Variants in ARHGAP15 observed in about 807,000 individuals in gnomAD.
The protein encoded by ARHGAP15 is rho GTPase-activating protein 15.
ARHGAP15 carries 51 observed loss-of-function variants against 63.7 expected under a neutral mutation model. The observed-to-expected ratio is 0.80, with a 90% confidence interval of 0.64 to 1.01. The LOEUF is 1.01. Among genes scored for constraint, ARHGAP15 ranks in the 50% least tolerant of loss-of-function variants. ARHGAP15 has a pLI of 0.00. For missense variants in ARHGAP15, 560 were observed against 564.6 expected (o/e 0.99, Z 0.08); for synonymous variants, 191 against 193.8 (o/e 0.99, Z 0.12).
intron 4 of ARHGAP15, among the ~76,000 whole-genome samples, chr2:143,221,728 C>T (rs1168313165): frequency 2.0e-5 from 3 of 152,158 alleles, no homozygotes; most frequent in Non-Finnish European, 4.4e-5. Context: ...TGTGGCTCTG[C>T]GTATCTTACC....
chr2:143,498,900 A>G (rs940570248), intron 9 of ARHGAP15, among the ~76,000 whole-genome samples: 3 of 152,220 alleles, frequency 2.0e-5, no homozygotes, highest in Non-Finnish European at 4.4e-5. Context: ...CTGTGCTCAA[A>G]GATCCAGAAC....
chr2:143,215,679 G>A (rs931799898), intron 3 of ARHGAP15, among the ~76,000 whole-genome samples: 1 of 152,146 alleles, frequency 6.6e-6, no homozygotes, highest in African/African-American at 2.4e-5. Flanking sequence ...AGACTTTGCA[G>A]GGAGTCAACC....
chr2:143,724,506 A>G (rs1045229768), intron 13 of ARHGAP15, among the ~76,000 whole-genome samples: 2 of 152,198 alleles, frequency 1.3e-5, no homozygotes, highest in African/African-American at 2.4e-5. Flanking sequence ...ATGTGGGTTA[A>G]CTTTAATCCT....
chr2:143,278,618 A>G (rs1681685673), intron 6 of ARHGAP15, among the ~76,000 whole-genome samples: 1 of 152,112 alleles, frequency 6.6e-6, no homozygotes, highest in Admixed American at 6.6e-5. Context: ...GTTTTTTTCC[A>G]TTCCCTAATG....
intron 13 of ARHGAP15, among the ~76,000 whole-genome samples, chr2:143,717,272 G>A (rs1684850171): frequency 1.3e-5 from 2 of 152,226 alleles, no homozygotes; most frequent in South Asian, 4.1e-4. Context: ...CATTGCTGTT[G>A]TCTCTCGGTC....
At chr2:143,158,653 G>C (rs1690174551) in intron 2 of ARHGAP15, among the ~76,000 whole-genome samples, 1 of 151,920 alleles carries the variant, frequency 6.6e-6, no homozygotes, top group Admixed American at 6.6e-5. Flanking sequence ...TCGCCCATCT[G>C]TAAGAGAGAT....
intron 2 of ARHGAP15, among the ~76,000 whole-genome samples, chr2:143,171,717 A>T (rs1229471550): frequency 1.3e-5 from 2 of 152,058 alleles, no homozygotes; most frequent in Non-Finnish European, 2.9e-5. Context: ...GAATCCGTCC[A>T]CCCCTATGAA....
rs10593584 is a variant in ARHGAP15 at position 143,393,726 on chromosome 2, T to TAA, written c.475-41848_475-41847dup. The stretch of plus-strand genomic sequence containing the variant: ...CTGGGTGACAGAGCGAGACTCTGTC[T>TAA]AAAAAAAAAAAAAAAAAAAAAAAAA... On this transcript the variant is annotated intron_variant, in intron 6 of 13. Coordinates refer to ENST00000295095, the MANE Select transcript of ARHGAP15 (RefSeq NM_018460.4). Among the ~76,000 whole-genome samples, 202 of 61,466 alleles carry TAA rather than the reference T, an allele frequency of 3.3e-3. 6 individuals are homozygous for TAA. The highest frequency in any genetic ancestry group is 0.011 in the African/African-American group (179 of 15,754). The allele number at this position is 61,466 out of a possible 152,430, so 40.3% of individuals were successfully genotyped here. A position where few individuals can be genotyped will look rare whatever the true frequency, so the allele number is the denominator to read the frequency against.
chr2:143,470,327 C>G (rs988310660), intron 8 of ARHGAP15, among the ~76,000 whole-genome samples: 1 of 149,578 alleles, frequency 6.7e-6, no homozygotes, highest in Non-Finnish European at 1.5e-5. Context: ...GAGCCTGGAT[C>G]TCCTCTAAGA....
At chr2:143,487,584 A>G (rs1238014710) in intron 9 of ARHGAP15, 89 bp downstream of exon 9, 6 of 1,371,314 alleles carry the variant, frequency 4.4e-6, no homozygotes, top group African/African-American at 2.9e-5. Flanking sequence ...GAATATTAGA[A>G]TATTTTATTC....
At chr2:143,564,858 T>A (rs1429259201) in intron 11 of ARHGAP15, among the ~76,000 whole-genome samples, 1 of 152,088 alleles carries the variant, frequency 6.6e-6, no homozygotes, top group Non-Finnish European at 1.5e-5. Flanking sequence ...CTGAAATAAA[T>A]GAAAATAAAA....
intron 6 of ARHGAP15, among the ~76,000 whole-genome samples, chr2:143,390,412 T>C (rs2104965961): frequency 6.6e-6 from 1 of 152,260 alleles, no homozygotes; most frequent in East Asian, 1.9e-4. Context: ...CATTACCACC[T>C]GATCTGTGCT....
chr2:143,237,437 C>T (rs1049198318), intron 5 of ARHGAP15: 13 of 152,072 alleles, frequency 8.5e-5, no homozygotes, highest in African/African-American at 3.1e-4. Flanking sequence ...AACAGTATGG[C>T]CATTTCTAAA....
At position 143,474,573 on chromosome 2, in the gene ARHGAP15, T is replaced by G. The variant is rs567522204; in HGVS notation, c.704-12800T>G. On this transcript the variant is annotated intron_variant, in intron 8 of 13. Coordinates refer to ENST00000295095, the MANE Select transcript of ARHGAP15 (RefSeq NM_018460.4). ...TTTAGGAACAGTGTTTCTCTAAAAT[T>G]AAATGTGAGATTAGAGAGGCATAAA... Among the ~76,000 whole-genome samples, 45 of 152,298 alleles carry G rather than the reference T, an allele frequency of 3.0e-4. 2 individuals are homozygous for G. The South Asian group carries it at 9.1e-3, about 31-fold the overall frequency.
intron 2 of ARHGAP15, among the ~76,000 whole-genome samples, chr2:143,158,294 T>A (rs1690161050): frequency 6.6e-6 from 1 of 151,920 alleles, no homozygotes; most frequent in African/African-American, 2.4e-5. Context: ...TTCTCCTGTA[T>A]ATGTCGTAAA....
intron 8 of ARHGAP15, among the ~76,000 whole-genome samples, chr2:143,477,520 A>T (rs1691879782): frequency 6.6e-6 from 1 of 152,154 alleles, no homozygotes; most frequent in Non-Finnish European, 1.5e-5. Flanking sequence ...CCTATATCAG[A>T]ACATTTAACA....
chr2:143,235,690 T>G (rs1167286771), intron 5 of ARHGAP15, among the ~76,000 whole-genome samples: 1 of 152,152 alleles, frequency 6.6e-6, no homozygotes, highest in Non-Finnish European at 1.5e-5. Context: ...TCTTCGAGGC[T>G]CTTCATCTCA....
At chr2:143,318,563 C>A (rs1683842202) in intron 6 of ARHGAP15, among the ~76,000 whole-genome samples, 1 of 94,658 alleles carries the variant, frequency 1.1e-5, no homozygotes, top group Admixed American at 1.6e-4. Flanking sequence ...AGACAAGAAT[C>A]TTTTCCTATA....
rs375798430 is a variant in ARHGAP15, at chr2:143,393,583, T to C, written c.475-42018T>C. 4.6e-5 allele frequency among the ~76,000 whole-genome samples: 7 copies of C among 151,990 alleles called. No homozygotes were observed. In the East Asian group the frequency reaches 1.4e-3, roughly 29 times the overall value. ...CCCATCTCTACTAAAAACACAAAAT[T>C]AGCCAGGCCTGGTGCTGCGCACCTG... is the stretch of plus-strand genomic sequence containing the variant. On this transcript the variant is annotated intron_variant, in intron 6 of 13. Coordinates refer to ENST00000295095, the MANE Select transcript of ARHGAP15 (RefSeq NM_018460.4).
Sources: allele counts gnomAD v4.1 joint callset (sites outside exome capture counted in the v4.1 genomes callset), GRCh38; gene constraint gnomAD v4.1.1; transcripts MANE v1.5; gene names NCBI Gene and HGNC (gene_info 2026-07-23, HGNC 2026-07-21).